Variants in GALM observed in about 807,000 individuals in gnomAD.
GALM encodes galactose mutarotase.
A neutral mutation model predicts 37.4 loss-of-function variants in GALM; 43 were observed. The ratio of observed to expected loss-of-function variants is 1.15; its 90% CI spans 0.90 to 1.48. GALM has a LOEUF of 1.48. Ranked by LOEUF, GALM falls within the 40% of genes most tolerant of loss-of-function variation. GALM has a pLI of 0.00. For missense variants in GALM, 456 were observed against 419.1 expected (o/e 1.09, Z -0.77); for synonymous variants, 199 against 170.6 (o/e 1.17, Z -1.30).
intron 4 of GALM, among the ~76,000 whole-genome samples, chr2:38,708,618 G>A (rs1471598374): frequency 2.6e-5 from 4 of 151,638 alleles, no homozygotes; most frequent in Non-Finnish European, 5.9e-5. Context: ...GCGGGCGCCT[G>A]TAGTCCCAGC....
chr2:38,694,030 G>T (rs1268376040), intron 4 of GALM, among the ~76,000 whole-genome samples: 1 of 151,908 alleles, frequency 6.6e-6, no homozygotes, highest in Non-Finnish European at 1.5e-5. Context: ...ACATTTTTTT[G>T]AATTAGCCAG....
chr2:38,674,204 T>C (rs1665183314), intron 1 of GALM, among the ~76,000 whole-genome samples: 1 of 151,358 alleles, frequency 6.6e-6, no homozygotes, highest in Non-Finnish European at 1.5e-5. Flanking sequence ...TTTTTTTTTT[T>C]TTTTTTGAGA....
At chr2:38,682,647 G>C (rs199946712) in intron 3 of GALM, among the ~76,000 whole-genome samples, 1 of 151,910 alleles carries the variant, frequency 6.6e-6, no homozygotes, top group Non-Finnish European at 1.5e-5. Flanking sequence ...CTGTAATCCC[G>C]GCACTTTGGG....
chr2:38,696,273 C>G (rs906287083), intron 4 of GALM, among the ~76,000 whole-genome samples: 11 of 151,826 alleles, frequency 7.2e-5, no homozygotes, highest in African/African-American at 2.4e-4. Flanking sequence ...GCATGTGCCA[C>G]CACACCTGGC....
At chr2:38,688,791 T>C (rs930108166) in intron 3 of GALM, among the ~76,000 whole-genome samples, 1 of 152,178 alleles carries the variant, frequency 6.6e-6, no homozygotes, top group Non-Finnish European at 1.5e-5. Flanking sequence ...CTGGAAAAGG[T>C]AGAGGCATCA....
intron 4 of GALM, among the ~76,000 whole-genome samples, chr2:38,692,162 C>T (rs1037051815): frequency 6.6e-6 from 1 of 152,170 alleles, no homozygotes; most frequent in Non-Finnish European, 1.5e-5. Context: ...GTAATTCTCT[C>T]CTACCTATCC....
At chr2:38,699,560 G>A (rs1012753118) in intron 4 of GALM, among the ~76,000 whole-genome samples, 6 of 152,092 alleles carry the variant, frequency 3.9e-5, no homozygotes, top group Admixed American at 3.3e-4. Flanking sequence ...GCTCATGCCT[G>A]TAAACCCAGC....
chr2:38,711,528 C>A (rs1558591712), intron 4 of GALM, among the ~76,000 whole-genome samples: 1 of 151,920 alleles, frequency 6.6e-6, no homozygotes, highest in Admixed American at 6.6e-5. Flanking sequence ...TTCATTTTCA[C>A]CCATGCTGTG....
intron 1 of GALM, among the ~76,000 whole-genome samples, chr2:38,672,150 C>G (rs1381544003): frequency 6.6e-6 from 1 of 152,134 alleles, no homozygotes; most frequent in Non-Finnish European, 1.5e-5. Context: ...GGAATTCTTG[C>G]AAGCCCATGT....
chr2:38,694,325 G>C (rs1402149017), intron 4 of GALM, among the ~76,000 whole-genome samples: 3 of 152,156 alleles, frequency 2.0e-5, no homozygotes, highest in Non-Finnish European at 4.4e-5. Flanking sequence ...CCAAAACAAA[G>C]AACAGACTTT....
intron 4 of GALM, among the ~76,000 whole-genome samples, chr2:38,706,933 G>C (rs528405739): frequency 1.2e-4 from 18 of 151,890 alleles, no homozygotes; most frequent in Non-Finnish European, 2.4e-4. Context: ...CCCAAATTAA[G>C]GGTCAGGTGG....
intron 4 of GALM, among the ~76,000 whole-genome samples, chr2:38,704,177 T>C (rs549736108): frequency 6.6e-6 from 1 of 151,900 alleles, no homozygotes; most frequent in Non-Finnish European, 1.5e-5. Flanking sequence ...GTTGCCCTAC[T>C]ATGTATTCTC....
At chr2:38,671,609 G>A (rs1387040944) in intron 1 of GALM, among the ~76,000 whole-genome samples, 1 of 152,188 alleles carries the variant, frequency 6.6e-6, no homozygotes, top group Non-Finnish European at 1.5e-5. Flanking sequence ...CAAAGCCAAA[G>A]CGTATCAGTA....
At chr2:38,683,944 T>A (rs541548935) in intron 3 of GALM, among the ~76,000 whole-genome samples, 9 of 152,222 alleles carry the variant, frequency 5.9e-5, no homozygotes, top group African/African-American at 1.7e-4. Context: ...GCCACTAACT[T>A]CAGGTTTGAA....
chr2:38,687,396 C>G (rs1665563209), intron 3 of GALM, among the ~76,000 whole-genome samples: 1 of 152,106 alleles, frequency 6.6e-6, no homozygotes, highest in South Asian at 2.1e-4. Context: ...CACACACCCA[C>G]TGGGAGAAAA....
chr2:38,725,728 T>C (rs1299531612), intron 4 of GALM, among the ~76,000 whole-genome samples: 2 of 152,130 alleles, frequency 1.3e-5, no homozygotes, highest in African/African-American at 2.4e-5. Context: ...TTGTTTTGTT[T>C]TGTTTTTTTG....
chr2:38,709,299 T>C (rs1455520899), intron 4 of GALM, among the ~76,000 whole-genome samples: 1 of 152,002 alleles, frequency 6.6e-6, no homozygotes, highest in Non-Finnish European at 1.5e-5. Flanking sequence ...AGACAGACAG[T>C]GGGTAACTGA....
intron 2 of GALM, among the ~76,000 whole-genome samples, chr2:38,679,832 G>C (rs1665352008): frequency 6.6e-6 from 1 of 152,150 alleles, no homozygotes; most frequent in South Asian, 2.1e-4. Context: ...TCTGCTTTGA[G>C]ACAGATAGAC....
intron 4 of GALM, among the ~76,000 whole-genome samples, chr2:38,694,896 CAA>C (rs778512686): frequency 2.6e-5 from 2 of 75,808 alleles, no homozygotes; most frequent in African/African-American, 6.6e-5. Context: ...GACTCCGTCT[CAA>C]AAAAAAAAAA....
Sources: gnomAD v4.1 joint callset for allele counts (sites outside exome capture counted in the v4.1 genomes callset) on GRCh38, gnomAD v4.1.1 for gene constraint, MANE v1.5 for transcripts, NCBI Gene and HGNC (gene_info 2026-07-23, HGNC 2026-07-21) for gene names.